ANKRD27: variants seen among roughly 807,000 people sequenced by gnomAD.
The protein encoded by ANKRD27 is ankyrin repeat domain 27.
In ANKRD27, 112 loss-of-function variants were observed where a neutral mutation model predicts 129.7. The observed-to-expected ratio is 0.86, with a 90% CI of 0.74 to 1.01. The LOEUF is 1.01. ANKRD27 is among the 50% of genes least tolerant of loss of function. The pLI is 0.00. For synonymous variants in ANKRD27, 516 were observed against 511.2 expected (o/e 1.01, Z -0.13); for missense variants, 1,258 against 1,300.5 (o/e 0.97, Z 0.50).
rs1180562331 is a variant in ANKRD27 at position 32,657,853 on chromosome 19, C to T, written c.102+1061G>A. On this transcript the variant is annotated intron_variant, in intron 2 of 28. Transcript: ENST00000306065. ...AGCTGGACGTGGTTGCACACACCTG[C>T]AATCCCAGATACTTGGGAGGCCGAG... is the stretch of plus-strand genomic sequence containing the variant. Among the ~76,000 whole-genome samples, 3 of 151,674 alleles carry T rather than the reference C, an allele frequency of 2.0e-5. No individual in the cohort carries two copies. The East Asian group carries it at 5.9e-4, about 30-fold the overall frequency.
intron 1 of ANKRD27, among the ~76,000 whole-genome samples, chr19:32,673,915 G>A (rs1299455272): frequency 6.6e-6 from 1 of 151,066 alleles, no homozygotes; most frequent in Non-Finnish European, 1.5e-5. Context: ...GGGAGGCCAA[G>A]ACGAGAGCAT....
In ANKRD27 at chr19:32,598,151, C is replaced by T; in HGVS notation, c.3147G>A (p.Arg1049=). ...CAACAACTCCTCATTCCTGTTAGGA[C>T]CGGGAAGCACTAACCTCTTGGGGAG... is the stretch of plus-strand genomic sequence containing the variant. ...LSTPQEVSAS[R]S Residue 1049 remains arginine (R), a synonymous_variant, in exon 29 of 29, where the codon CGG becomes CGA. Transcript: ENST00000306065. 6.2e-7 allele frequency: 1 copy of T among 1,614,048 alleles called. No individual in the cohort carries two copies. Among genetic ancestry groups the T allele is most frequent in the South Asian group, 1.1e-5 (1 of 91,082 alleles).
At chr19:32,656,294 G>A (rs1967535640) in intron 2 of ANKRD27, among the ~76,000 whole-genome samples, 1 of 152,126 alleles carries the variant, frequency 6.6e-6, no homozygotes, top group African/African-American at 2.4e-5. Flanking sequence ...CACTTGTCTA[G>A]ACAGTAGTTT....
intron 3 of ANKRD27, among the ~76,000 whole-genome samples, chr19:32,648,596 C>T (rs1054898280): frequency 4.6e-5 from 7 of 152,008 alleles, no homozygotes; most frequent in Admixed American, 6.6e-5. Context: ...GTGAGGAGAT[C>T]GAGACCATAC....
chr19:32,649,828 G>A (rs1257192927), intron 2 of ANKRD27, 36 bp from the exon 3 acceptor site: 8 of 1,382,638 alleles, frequency 5.8e-6, no homozygotes, highest in East Asian at 2.3e-5. Flanking sequence ...TTAGACAGAC[G>A]TGCCATTTAC....
chr19:32,653,993 C>T (rs545452133), intron 2 of ANKRD27, among the ~76,000 whole-genome samples: 11 of 152,262 alleles, frequency 7.2e-5, no homozygotes, highest in Admixed American at 3.3e-4. Context: ...CTCCGCCTCC[C>T]GGGTTCACGC....
rs1471293704 is a variant in ANKRD27, at chr19:32,648,692, C to T, written c.213+990G>A. Among the ~76,000 whole-genome samples the T allele has an allele frequency of 2.6e-5, 4 of 151,726 alleles. No individual in the cohort carries two copies. The East Asian group carries it at 7.8e-4, about 30-fold the overall frequency. On this transcript the variant is annotated intron_variant, in intron 3 of 28. Transcript: ENST00000306065. ...GCGGGTGCCCGTAGTCCCAGCTACT[C>T]GGGAGGCTGAGGCAGGAGAATGGCG... is the stretch of plus-strand genomic sequence containing the variant.
chr19:32,627,992 C>A (rs1966921112), intron 15 of ANKRD27, 91 bp downstream of exon 15: 1 of 1,217,736 alleles, frequency 8.2e-7, no homozygotes, highest in Non-Finnish European at 1.2e-6. Context: ...CAACCCCCAC[C>A]CAGCCCATCA....
intron 22 of ANKRD27, among the ~76,000 whole-genome samples, chr19:32,615,207 C>A (rs188726127): frequency 5.1e-4 from 77 of 152,348 alleles, no homozygotes; most frequent in Non-Finnish European, 5.3e-4. Context: ...TGAGTCTCAC[C>A]ATATCTTGGG....
Position 32,604,266 on chromosome 19 carries a change from T to G in ANKRD27, c.2652A>C (p.Glu884Asp). 1.2e-6 allele frequency: 2 copies of G among 1,607,602 alleles called. No individual in the cohort carries two copies. Among genetic ancestry groups the G allele is most frequent in the Non-Finnish European group, 1.7e-6 (2 of 1,175,746 alleles). ...KRQRTAVDCA[E>D]QNSKIMELLQ... ...CTCTTCGACCCTCTCCACCTACCTGTTCAGCACAGTCTACAGCCGTGCGCT... is the reference window on the plus strand; with the variant it reads ...CTCTTCGACCCTCTCCACCTACCTGGTCAGCACAGTCTACAGCCGTGCGCT... The change falls in exon 25 of 29, where the codon GAA (glutamate) becomes GAC (aspartate). Residue 884 changes from glutamate to aspartate, a missense_variant. Physicochemically the swap from Glu to Asp is conservative, Grantham distance 45. Coordinates refer to ENST00000306065, the MANE Select transcript of ANKRD27 (RefSeq NM_032139.3).
chr19:32,626,065 G>T (rs915486835), intron 16 of ANKRD27, 99 bp from the exon 17 acceptor site: 11 of 842,334 alleles, frequency 1.3e-5, no homozygotes, highest in Non-Finnish European at 1.9e-5. Context: ...TCCCATCTTC[G>T]ATCTTATTTA....
chr19:32,650,805 A>G (rs259240), intron 2 of ANKRD27, among the ~76,000 whole-genome samples: 92,366 of 146,000 alleles, frequency 0.63, 29,369 homozygotes, highest in Non-Finnish European at 0.68. Flanking sequence ...GCTGGAGTGC[A>G]GTGGCGCAAT....
rs58394462 is a variant in ANKRD27, at chr19:32,613,706, C to CTTTTTTTTTTTTTTTTTTTTTTTT, written c.2175+1951_2175+1952insAAAAAAAAAAAAAAAAAAAAAAAA. ...GTATACTGTGATTACATTTATGTAA[C>CTTTTTTTTTTTTTTTTTTTTTTTT]TTTTTTTTTTTTTTTTTTTTGAGAC... On this transcript the variant is annotated intron_variant, in intron 22 of 28. Transcript: ENST00000306065. Among the ~76,000 whole-genome samples, 3 of 132,994 alleles carry CTTTTTTTTTTTTTTTTTTTTTTTT rather than the reference C, an allele frequency of 2.3e-5. 1 individual carries two copies. Among genetic ancestry groups the CTTTTTTTTTTTTTTTTTTTTTTTT allele is most frequent in the Non-Finnish European group, 3.2e-5 (2 of 62,424 alleles). The allele number at this position is 132,994 out of a possible 152,430, so 87.2% of individuals were successfully genotyped here.
At chr19:32,644,596 A>G (rs1041545034) in intron 4 of ANKRD27, 117 bp from the exon 5 acceptor site, 30 of 1,209,048 alleles carry the variant, frequency 2.5e-5, no homozygotes, top group Non-Finnish European at 3.5e-5. Context: ...ATTTCAAGAC[A>G]CTACACAAGA....
chr19:32,654,013 G>C (rs1967472769), intron 2 of ANKRD27, among the ~76,000 whole-genome samples: 1 of 152,174 alleles, frequency 6.6e-6, no homozygotes, highest in South Asian at 2.1e-4. Context: ...CGATTCTCCT[G>C]CCTCAGCCTC....
At chr19:32,658,252 C>T (rs947097029) in intron 2 of ANKRD27, among the ~76,000 whole-genome samples, 2 of 152,138 alleles carry the variant, frequency 1.3e-5, no homozygotes, top group East Asian at 1.9e-4. Context: ...CCCCCAGTGC[C>T]GTCTAAGTAG....
rs1458741871 is a variant in ANKRD27, at chr19:32,626,746, T to G, written c.1502A>C (p.His501Pro). The change falls in exon 16 of 29, where the codon CAC (histidine) becomes CCC (proline). Residue 501 changes from histidine to proline, a missense_variant. His to Pro is a moderately conservative substitution (Grantham distance 77, BLOSUM62 -2). Coordinates refer to ENST00000306065, the MANE Select transcript of ANKRD27 (RefSeq NM_032139.3). ...ATDYHGATPL[H>P]LACQKGYQSV... ...CTGGTAGCCCTTCTGACAGGCCAGGTGGAGCGGAGTGGCTCCATGGTAGTC... is the reference window on the plus strand; with the variant it reads ...CTGGTAGCCCTTCTGACAGGCCAGGGGGAGCGGAGTGGCTCCATGGTAGTC... 1 of 1,611,780 alleles carries G rather than the reference T, an allele frequency of 6.2e-7. No homozygotes were observed. The highest frequency in any genetic ancestry group is 1.3e-5 in the African/African-American group (1 of 74,838).
At chr19:32,639,877 G>A (rs1219137545) in intron 11 of ANKRD27, among the ~76,000 whole-genome samples, 26 of 152,210 alleles carry the variant, frequency 1.7e-4, no homozygotes, top group Admixed American at 1.7e-3. Flanking sequence ...TGAAGCAAGG[G>A]GAGGCCCCAC....
At chr19:32,613,832 C>A (rs1456948707) in intron 22 of ANKRD27, among the ~76,000 whole-genome samples, 1 of 151,854 alleles carries the variant, frequency 6.6e-6, no homozygotes, top group Non-Finnish European at 1.5e-5. Context: ...CCTCAGCCTC[C>A]CGAGTAGCTG....
Sources: gnomAD v4.1 joint callset for allele counts (sites outside exome capture counted in the v4.1 genomes callset) on GRCh38, gnomAD v4.1.1 for gene constraint, MANE v1.5 for transcripts, NCBI Gene and HGNC (gene_info 2026-07-23, HGNC 2026-07-21) for gene names.